Variants in KLF12 observed in about 807,000 individuals in gnomAD.
KLF12 encodes KLF transcription factor 12.
In KLF12, 9 loss-of-function variants were observed where a neutral mutation model predicts 37.8. The observed-to-expected ratio is 0.24, with a 90% CI of 0.14 to 0.42. KLF12 has a LOEUF of 0.42. Ranked by LOEUF, KLF12 falls within the 10% of genes least tolerant of loss-of-function variation. The pLI is 1.00. For synonymous variants in KLF12, 208 were observed against 202.1 expected (o/e 1.03, Z -0.25); for missense variants, 411 against 516.0 (o/e 0.80, Z 1.97).
At chr13:74,230,069 C>T in the KLF12 span, among the ~76,000 whole-genome samples, 5 of 152,264 alleles carry the variant, frequency 3.3e-5, no homozygotes, top group East Asian at 9.7e-4. Context: ...TTGGCTGTGT[C>T]CCCACCCAAA....
the KLF12 span, among the ~76,000 whole-genome samples, chr13:74,194,039 C>T: frequency 6.6e-6 from 1 of 152,074 alleles, no homozygotes; most frequent in South Asian, 2.1e-4. Flanking sequence ...ATTTCATTTT[C>T]TTTTTTCCTA....
At chr13:74,092,786 CTT>C (rs1303120163) in intron 1 of KLF12, among the ~76,000 whole-genome samples, 1 of 152,090 alleles carries the variant, frequency 6.6e-6, no homozygotes, top group Admixed American at 6.5e-5. Flanking sequence ...GGGCAAATAA[CTT>C]AGACATTTTT....
At chr13:73,719,561 CA>C (rs756163040) in intron 6 of KLF12, among the ~76,000 whole-genome samples, 12 of 151,510 alleles carry the variant, frequency 7.9e-5, no homozygotes, top group Non-Finnish European at 1.5e-4. Context: ...AGTCTTCAGA[CA>C]ATGGGCACTC....
intron 1 of KLF12, among the ~76,000 whole-genome samples, chr13:74,020,759 C>T (rs752806165): frequency 4.6e-5 from 7 of 151,916 alleles, no homozygotes; most frequent in African/African-American, 7.3e-5. Context: ...GGCATGATGG[C>T]GTGTGCCTGT....
rs909233258 is a variant in KLF12, at chr13:73,695,279, C to A, written c.*211G>T. ...TCTTCAGCATTTATGTCACTGAGCT[C>A]CCAGGCCCGGGTAAAGACGGTTCTC... On this transcript the variant is annotated 3_prime_UTR_variant, in exon 8 of 8. Transcript: ENST00000377669. The A allele has an allele frequency of 1.8e-6, 1 of 540,616 alleles. No homozygotes were observed. The highest frequency in any genetic ancestry group is 3.3e-6 in the Non-Finnish European group (1 of 304,028). 33.5% of individuals were successfully genotyped at this position (540,616 alleles called of 1,614,324 possible).
chr13:74,282,985 A>G, the KLF12 span, among the ~76,000 whole-genome samples: 3 of 152,222 alleles, frequency 2.0e-5, no homozygotes, highest in African/African-American at 7.2e-5. Context: ...GTAGCAAAAC[A>G]CAAATGTGTC....
the KLF12 span, among the ~76,000 whole-genome samples, chr13:74,292,395 A>G: frequency 6.6e-6 from 1 of 152,148 alleles, no homozygotes; most frequent in Non-Finnish European, 1.5e-5. Context: ...GACTGAATAA[A>G]GTATATATGT....
intron 4 of KLF12, among the ~76,000 whole-genome samples, chr13:73,827,508 G>A (rs1482173502): frequency 6.6e-6 from 1 of 152,098 alleles, no homozygotes; most frequent in East Asian, 1.9e-4. Flanking sequence ...ACTATCCAAA[G>A]AACACTCCCA....
rs1873756829 is a variant in KLF12, at chr13:73,690,531, G to A, written c.*4959C>T. ...TTTCAGGAAAAGACATTACTAGTTT[G>A]GAATCAGTTGTCTGCAACTTAAAAT... On this transcript the variant is annotated 3_prime_UTR_variant, in exon 8 of 8. Coordinates refer to ENST00000377669, the MANE Select transcript of KLF12 (RefSeq NM_007249.5). The A allele has an allele frequency of 6.6e-6, 1 of 152,122 alleles. No individual in the cohort carries two copies. The highest frequency in any genetic ancestry group is 1.5e-5 in the Non-Finnish European group (1 of 68,008). 9.4% of individuals were successfully genotyped at this position (152,122 alleles called of 1,614,324 possible). A position where few individuals can be genotyped will look rare whatever the true frequency, so the allele number is the denominator to read the frequency against.
chr13:73,971,694 T>C (rs1392304711), intron 2 of KLF12, among the ~76,000 whole-genome samples: 1 of 152,140 alleles, frequency 6.6e-6, no homozygotes, highest in African/African-American at 2.4e-5. Context: ...CTGACGTCAA[T>C]GAAAATACTA....
At chr13:74,182,847 T>A in the KLF12 span, among the ~76,000 whole-genome samples, 3 of 152,146 alleles carry the variant, frequency 2.0e-5, no homozygotes, top group Non-Finnish European at 2.9e-5. Context: ...AGCCTTTTTT[T>A]TTTATGAAGC....
At chr13:73,843,059 T>C (rs1884827095) in intron 4 of KLF12, among the ~76,000 whole-genome samples, 1 of 152,208 alleles carries the variant, frequency 6.6e-6, no homozygotes, top group Non-Finnish European at 1.5e-5. Flanking sequence ...CCTCAAATAA[T>C]TTCTCATACT....
At chr13:74,298,962 C>T in the KLF12 span, among the ~76,000 whole-genome samples, 2 of 152,070 alleles carry the variant, frequency 1.3e-5, no homozygotes, top group African/African-American at 4.8e-5. Flanking sequence ...ACAGTTAGAG[C>T]AACCTCAAAG....
chr13:74,271,091 C>G, the KLF12 span, among the ~76,000 whole-genome samples: 1 of 152,052 alleles, frequency 6.6e-6, no homozygotes, highest in East Asian at 1.9e-4. Context: ...GAGCACAAAC[C>G]CTATTGTGAG....
chr13:74,061,979 GT>G (rs998514568), intron 1 of KLF12, among the ~76,000 whole-genome samples: 12 of 152,128 alleles, frequency 7.9e-5, no homozygotes, highest in Admixed American at 6.5e-4. Flanking sequence ...CTTTGGTGGG[GT>G]TTTTTTGCAC....
chr13:73,971,096 C>T (rs1413563533), intron 2 of KLF12, among the ~76,000 whole-genome samples: 1 of 152,058 alleles, frequency 6.6e-6, no homozygotes, highest in Non-Finnish European at 1.5e-5. Flanking sequence ...GTTACTCGAA[C>T]CTGGCAAGGG....
At chr13:74,305,347 C>T in the KLF12 span, among the ~76,000 whole-genome samples, 3 of 152,068 alleles carry the variant, frequency 2.0e-5, no homozygotes, top group Admixed American at 2.0e-4. Flanking sequence ...CAGCCAGGTA[C>T]TGAAACTGAC....
At chr13:74,244,475 C>T in the KLF12 span, among the ~76,000 whole-genome samples, 29 of 152,146 alleles carry the variant, frequency 1.9e-4, no homozygotes, top group Non-Finnish European at 4.1e-4. Context: ...CAGACAGGGA[C>T]AGAGGGAAGA....
chr13:74,119,023 T>C (rs923749280), intron 1 of KLF12, among the ~76,000 whole-genome samples: 5 of 152,140 alleles, frequency 3.3e-5, no homozygotes, highest in Admixed American at 2.6e-4. Context: ...TTATATATAA[T>C]GGCAGGAAGT....
Sources: allele counts gnomAD v4.1 joint callset (sites outside exome capture counted in the v4.1 genomes callset), GRCh38; gene constraint gnomAD v4.1.1; transcripts MANE v1.5; gene names NCBI Gene and HGNC (gene_info 2026-07-23, HGNC 2026-07-21).